MYO5A: variants seen among roughly 807,000 people sequenced by gnomAD.
The protein encoded by MYO5A is unconventional myosin-Va.
MYO5A carries 98 observed loss-of-function variants against 249.7 expected under a neutral mutation model. The ratio of observed to expected loss-of-function variants is 0.39; its 90% CI spans 0.33 to 0.46. MYO5A has a LOEUF of 0.46. Among genes scored for constraint, MYO5A ranks in the 20% least tolerant of loss-of-function variants. The pLI, the probability that MYO5A is intolerant of heterozygous loss-of-function variation, is 0.98. For missense variants in MYO5A, 1,696 were observed against 2,308.8 expected, an observed-to-expected ratio of 0.73 and a Z score of 5.44; for synonymous variants, 778 against 810.6, an observed-to-expected ratio of 0.96 and a Z score of 0.68.
chr15:52,518,285 A>C (rs1420296647), intron 1 of MYO5A, among the ~76,000 whole-genome samples: 2 of 136,992 alleles, frequency 1.5e-5, no homozygotes, highest in African/African-American at 5.3e-5. Context: ...AAAAAAAAAA[A>C]AGAATTATCC....
Position 52,308,783 on chromosome 15 carries a change from T to G in MYO5A, c.*4913A>C, listed in dbSNP as rs1266993719. 1.3e-5 allele frequency: 2 copies of G among 152,726 alleles called. No individual in the cohort carries two copies. Among genetic ancestry groups the G allele is most frequent in the Admixed American group, 1.3e-4 (2 of 15,286 alleles). 9.5% of individuals were successfully genotyped at this position (152,726 alleles called of 1,614,324 possible). On this transcript the variant is annotated 3_prime_UTR_variant, in exon 42 of 42. Transcript: ENST00000399233. ...GATATCCTTTACAGAAGAAAAGTTCTGGAGAACTTAAGGCAGCTCTAGAAG... is the reference window on the plus strand; with the variant it reads ...GATATCCTTTACAGAAGAAAAGTTCGGGAGAACTTAAGGCAGCTCTAGAAG...
In MYO5A at chr15:52,340,502, T is replaced by G. The variant is rs999703581; in HGVS notation, c.4041-108A>C. The G allele has an allele frequency of 3.2e-6, 3 of 942,154 alleles. No homozygotes were observed. In the African/African-American group the frequency reaches 4.9e-5, roughly 15 times the overall value. The allele number at this position is 942,154 out of a possible 1,614,324, so 58.4% of individuals were successfully genotyped here. A position where few individuals can be genotyped will look rare whatever the true frequency, so the allele number is the denominator to read the frequency against. On this transcript the variant is annotated intron_variant, in intron 31 of 41. Coordinates refer to ENST00000399233, the MANE Select transcript of MYO5A (RefSeq NM_001382347.1). ...CAAGAGTAGGAAAAGCAGATATTCT[T>G]TAGTATCTGTGTTATCTTCTGACTT...
rs76489145 is a variant in MYO5A at position 52,396,349 on chromosome 15, A to G, written c.1368T>C (p.Tyr456=). ...INSFEQFCIN[Y]ANEKLQQQFN... Reference sequence around the variant, plus strand: ...ATTGTTGCTGTAGTTTTTCATTTGCATAATTTATGCAAAACTGTTCAAAAC... The same window carrying G: ...ATTGTTGCTGTAGTTTTTCATTTGCGTAATTTATGCAAAACTGTTCAAAAC... Residue 456 remains tyrosine, a synonymous_variant, in exon 11 of 42, where the codon TAT becomes TAC. Transcript: ENST00000399233. 1,301 of 1,568,252 alleles carry G rather than the reference A, an allele frequency of 8.3e-4. 11 individuals carry two copies. The African/African-American group carries it at 0.015, about 18-fold the overall frequency.
intron 24 of MYO5A, among the ~76,000 whole-genome samples, chr15:52,363,261 A>G (rs1028098184): frequency 6.6e-5 from 10 of 152,258 alleles, no homozygotes; most frequent in Admixed American, 4.6e-4. Flanking sequence ...GAATTACAGA[A>G]TGTGAAGGAA....
intron 1 of MYO5A, among the ~76,000 whole-genome samples, chr15:52,473,670 G>T (rs2076527913): frequency 6.6e-6 from 1 of 152,122 alleles, no homozygotes; most frequent in Non-Finnish European, 1.5e-5. Context: ...CCCATTTCTT[G>T]TTTTTGTCAG....
intron 1 of MYO5A, among the ~76,000 whole-genome samples, chr15:52,497,446 T>TAAAA (rs2077061253): frequency 6.7e-6 from 1 of 150,322 alleles, no homozygotes; most frequent in Non-Finnish European, 1.5e-5. Context: ...AATAAATAAA[T>TAAAA]AAAATTTAAA....
intron 19 of MYO5A, 39 bp downstream of exon 19, chr15:52,376,308 A>G (rs1226144625): frequency 1.3e-6 from 2 of 1,591,864 alleles, no homozygotes; most frequent in Non-Finnish European, 8.6e-7. Flanking sequence ...TTGGACAGTG[A>G]ATTAGATGGG....
chr15:52,469,305 T>C (rs531103589), intron 1 of MYO5A, among the ~76,000 whole-genome samples: 5 of 152,216 alleles, frequency 3.3e-5, no homozygotes, highest in African/African-American at 4.8e-5. Flanking sequence ...ACATAAACAG[T>C]TGATTAACAC....
rs139695511 is a variant in MYO5A at position 52,384,573 on chromosome 15, C to T, written c.1753-251G>A. Among the ~76,000 whole-genome samples, 84 of 152,308 alleles carry T rather than the reference C, an allele frequency of 5.5e-4. 1 individual carries two copies. The East Asian group carries it at 7.1e-3, about 13-fold the overall frequency. ...GGGGAAAGCAAAGTCAAAACTACTGCACCCGGACTTGAAAACCTAATCCAC... is the reference window on the plus strand; with the variant it reads ...GGGGAAAGCAAAGTCAAAACTACTGTACCCGGACTTGAAAACCTAATCCAC... On this transcript the variant is annotated intron_variant, in intron 14 of 41. Coordinates refer to ENST00000399233, the MANE Select transcript of MYO5A (RefSeq NM_001382347.1).
chr15:52,509,913 A>G (rs1011400527), intron 1 of MYO5A, among the ~76,000 whole-genome samples: 20 of 152,220 alleles, frequency 1.3e-4, no homozygotes, highest in African/African-American at 3.9e-4. Flanking sequence ...AAAGAGCACA[A>G]AAAAGCTCTA....
At chr15:52,412,994 G>A (rs567073004) in intron 5 of MYO5A, among the ~76,000 whole-genome samples, 4 of 151,790 alleles carry the variant, frequency 2.6e-5, no homozygotes, top group South Asian at 2.1e-4. Context: ...TTTAAAATAC[G>A]ACAGTAGCTG....
intron 11 of MYO5A, among the ~76,000 whole-genome samples, chr15:52,395,606 C>T (rs541374873): frequency 1.3e-5 from 2 of 152,118 alleles, no homozygotes; most frequent in Admixed American, 6.6e-5. Context: ...TAAAACCACA[C>T]ACAGAAGGTA....
intron 29 of MYO5A, 73 bp downstream of exon 29, chr15:52,348,745 T>C (rs2039783078): frequency 9.5e-6 from 12 of 1,262,154 alleles, no homozygotes; most frequent in South Asian, 7.0e-5. Flanking sequence ...ATTGCCTTTA[T>C]TGGGGGATAC....
intron 1 of MYO5A, among the ~76,000 whole-genome samples, chr15:52,500,722 T>C (rs896002937): frequency 1.3e-5 from 2 of 152,156 alleles, no homozygotes; most frequent in Non-Finnish European, 2.9e-5. Flanking sequence ...AAATTCTTTA[T>C]GGATTTTCTT....
chr15:52,346,075 T>C (rs1469282453), intron 30 of MYO5A, among the ~76,000 whole-genome samples: 1 of 152,222 alleles, frequency 6.6e-6, no homozygotes, highest in African/African-American at 2.4e-5. Flanking sequence ...CCTGAGCAGG[T>C]AGTTTTCTTC....
At chr15:52,343,057 C>A in intron 31 of MYO5A, 60 bp downstream of exon 31, 1 of 1,374,760 alleles carries the variant, frequency 7.3e-7, no homozygotes, top group South Asian at 1.2e-5. Flanking sequence ...GTCAGGAGGT[C>A]ACTGTTAGTA....
chr15:52,370,565 G>C, intron 21 of MYO5A, 148 bp from the exon 22 acceptor site: 1 of 787,778 alleles, frequency 1.3e-6, no homozygotes, highest in Non-Finnish European at 2.1e-6. Flanking sequence ...ATTTGCAATA[G>C]CACAACCAAT....
intron 1 of MYO5A, among the ~76,000 whole-genome samples, chr15:52,460,620 T>G (rs1472112897): frequency 6.6e-6 from 1 of 152,106 alleles, no homozygotes; most frequent in African/African-American, 2.4e-5. Context: ...CGGCTCGGCA[T>G]CAGAGGGAGA....
intron 1 of MYO5A, among the ~76,000 whole-genome samples, chr15:52,498,917 G>A (rs974935465): frequency 7.2e-5 from 11 of 152,280 alleles, no homozygotes; most frequent in African/African-American, 1.9e-4. Context: ...AAGACTTGAT[G>A]AATTTCTACA....
Sources: gnomAD v4.1 joint callset for allele counts (sites outside exome capture counted in the v4.1 genomes callset) on GRCh38, gnomAD v4.1.1 for gene constraint, MANE v1.5 for transcripts, NCBI Gene and HGNC (gene_info 2026-07-23, HGNC 2026-07-21) for gene names.